The following MIR2052HG variants were observed in gnomAD, a reference collection of about 807,000 sequenced individuals.
MIR2052HG encodes the protein MIR2052 host gene.
In MIR2052HG at chr8:74,667,135, G is replaced by A. The variant is rs148175582; in HGVS notation, n.217-35244G>A. 1.1e-3 allele frequency among the ~76,000 whole-genome samples: 167 copies of A among 152,306 alleles called. 6 individuals carry two copies. The East Asian group carries it at 0.024, about 22-fold the overall frequency. On this transcript the variant is annotated intron_variant and non_coding_transcript_variant, in intron 2 of 6. Transcript: ENST00000523442. ...CCTAGAATTCCTGAAGTGCTGCTAG[G>A]TTTGTTGTCTCCTGGTCAAAGGGGA...
At chr8:74,748,972 G>C (rs1323659075) in intron 4 of MIR2052HG, among the ~76,000 whole-genome samples, 1 of 152,138 alleles carries the variant, frequency 6.6e-6, no homozygotes, top group Non-Finnish European at 1.5e-5. Flanking sequence ...CTGCTTTTCT[G>C]TTAATTGTGA....
chr8:74,613,443 A>G (rs987131961), intron 2 of MIR2052HG, among the ~76,000 whole-genome samples: 9 of 152,178 alleles, frequency 5.9e-5, no homozygotes, highest in African/African-American at 2.2e-4. Context: ...ACTAAACTGA[A>G]TGGGATGGAG....
chr8:74,692,400 T>C (rs1164233086), intron 2 of MIR2052HG, among the ~76,000 whole-genome samples: 6 of 152,110 alleles, frequency 3.9e-5, no homozygotes, highest in African/African-American at 9.7e-5. Context: ...AGGGAAGAAA[T>C]AATAAGCTTC....
At chr8:74,659,820 T>C (rs1358395228) in intron 2 of MIR2052HG, among the ~76,000 whole-genome samples, 4 of 152,216 alleles carry the variant, frequency 2.6e-5, no homozygotes. Context: ...GTAATTGAAT[T>C]GTTCTAATTT....
rs577389189 is a variant in MIR2052HG at position 74,618,547 on chromosome 8, A to G, written n.216+5607A>G. 8.7e-4 allele frequency among the ~76,000 whole-genome samples: 133 copies of G among 152,316 alleles called. 1 individual carries two copies. In the South Asian group the frequency reaches 0.026, roughly 30 times the overall value. The stretch of plus-strand genomic sequence containing the variant: ...TAACAGAATGAAGGACAAAAACCAT[A>G]TGATCATCTCAATAGATGCAGAATA... On this transcript the variant is annotated intron_variant and non_coding_transcript_variant, in intron 2 of 6. Coordinates refer to ENST00000523442, the Ensembl canonical transcript of MIR2052HG.
At chr8:74,601,293 C>G (rs1807996736) in intron 1 of MIR2052HG, among the ~76,000 whole-genome samples, 1 of 152,208 alleles carries the variant, frequency 6.6e-6, no homozygotes, top group Admixed American at 6.5e-5. Flanking sequence ...ACTGGAATTG[C>G]CATTCCTGGA....
At chr8:74,681,533 T>C (rs1809124874) in intron 2 of MIR2052HG, among the ~76,000 whole-genome samples, 1 of 152,132 alleles carries the variant, frequency 6.6e-6, no homozygotes, top group African/African-American at 2.4e-5. Flanking sequence ...AAACTCGTGT[T>C]GAAATTTAAT....
At chr8:74,723,052 A>C (rs1369249561) in intron 4 of MIR2052HG, among the ~76,000 whole-genome samples, 2 of 152,232 alleles carry the variant, frequency 1.3e-5, no homozygotes, top group Admixed American at 6.5e-5. Flanking sequence ...CATGATAGAA[A>C]TAAATGACCC....
At chr8:74,603,498 G>C in intron 1 of MIR2052HG, 1 of 1,573,646 alleles carries the variant, frequency 6.4e-7, no homozygotes, top group Non-Finnish European at 8.7e-7. Context: ...CAATCAAATC[G>C]TTTGGAATGG....
chr8:74,682,634 A>G (rs1175095252), intron 2 of MIR2052HG, among the ~76,000 whole-genome samples: 1 of 152,176 alleles, frequency 6.6e-6, no homozygotes, highest in Non-Finnish European at 1.5e-5. Context: ...CAAGTTGCCA[A>G]AAACGAAGAA....
intron 2 of MIR2052HG, among the ~76,000 whole-genome samples, chr8:74,691,650 C>T (rs1809240703): frequency 6.6e-6 from 1 of 152,088 alleles, no homozygotes; most frequent in African/African-American, 2.4e-5. Context: ...TTAATTTTTG[C>T]ATTGAAGGCT....
At chr8:74,617,916 A>T (rs2128732262) in intron 2 of MIR2052HG, among the ~76,000 whole-genome samples, 1 of 152,254 alleles carries the variant, frequency 6.6e-6, no homozygotes. Context: ...GTAAGATAGT[A>T]TCTCATTGTG....
chr8:74,683,170 T>C (rs1809143485), intron 2 of MIR2052HG, among the ~76,000 whole-genome samples: 2 of 152,258 alleles, frequency 1.3e-5, no homozygotes, highest in Admixed American at 1.3e-4. Flanking sequence ...TGCATCACAA[T>C]ATGTATGTAT....
At chr8:74,750,284 A>G (rs1217009387) in intron 4 of MIR2052HG, among the ~76,000 whole-genome samples, 2 of 152,232 alleles carry the variant, frequency 1.3e-5, no homozygotes, top group East Asian at 3.8e-4. Flanking sequence ...AGAATATTTT[A>G]CTAGCAAATT....
intron 2 of MIR2052HG, among the ~76,000 whole-genome samples, chr8:74,673,209 G>A (rs1213657263): frequency 1.3e-5 from 2 of 152,060 alleles, no homozygotes; most frequent in Non-Finnish European, 2.9e-5. Context: ...AGGCTTTCCA[G>A]CTGAAACTGA....
At chr8:74,710,914 G>T (rs950205898) in intron 4 of MIR2052HG, among the ~76,000 whole-genome samples, 24 of 151,954 alleles carry the variant, frequency 1.6e-4, no homozygotes, top group African/African-American at 5.8e-4. Flanking sequence ...TTAGTGCTGG[G>T]TGACTCTCTG....
intron 4 of MIR2052HG, among the ~76,000 whole-genome samples, chr8:74,709,665 T>G (rs1809447368): frequency 6.6e-6 from 1 of 152,170 alleles, no homozygotes; most frequent in African/African-American, 2.4e-5. Context: ...ATCTGATTAA[T>G]TAGAAGTTCA....
intron 2 of MIR2052HG, among the ~76,000 whole-genome samples, chr8:74,621,789 C>T (rs989533973): frequency 3.3e-5 from 5 of 152,126 alleles, no homozygotes; most frequent in African/African-American, 4.8e-5. Flanking sequence ...GCCAAGACCA[C>T]GCTGTGGGGA....
intron 4 of MIR2052HG, among the ~76,000 whole-genome samples, chr8:74,724,395 A>G (rs1032181380): frequency 1.3e-5 from 2 of 152,194 alleles, no homozygotes; most frequent in Non-Finnish European, 2.9e-5. Flanking sequence ...GCCTCCTGCT[A>G]TGGTATTTCT....
Sources: allele counts gnomAD v4.1 joint callset (sites outside exome capture counted in the v4.1 genomes callset), GRCh38; gene constraint gnomAD v4.1.1; transcripts MANE v1.5; gene names NCBI Gene and HGNC (gene_info 2026-07-23, HGNC 2026-07-21).